Variants in CSRNP3 observed in about 807,000 individuals in gnomAD.
CSRNP3 encodes the protein cysteine/serine-rich nuclear protein 3.
In CSRNP3, 12 loss-of-function variants were observed where a neutral mutation model predicts 48.0. That is an observed-to-expected ratio of 0.25 (90% CI 0.16 to 0.41). The LOEUF is 0.41. Among genes scored for constraint, CSRNP3 ranks in the 10% least tolerant of loss-of-function variants. CSRNP3 has a pLI of 1.00. For missense variants in CSRNP3, 580 were observed against 724.4 expected (o/e 0.80, Z 2.29); for synonymous variants, 263 against 269.7 (o/e 0.98, Z 0.24).
At position 165,666,956 on chromosome 2, in the gene CSRNP3, A is replaced by AAGAAAGAAAGAGAG. The variant is rs1373443672; in HGVS notation, c.408+8938_408+8939insAAAGAAAGAGAGAG. Among the ~76,000 whole-genome samples, 2 of 32,092 alleles carry AAGAAAGAAAGAGAG rather than the reference A, an allele frequency of 6.2e-5. 1 individual carries two copies. Among genetic ancestry groups the AAGAAAGAAAGAGAG allele is most frequent in the Non-Finnish European group, 1.5e-4 (2 of 13,538 alleles). The allele number at this position is 32,092 out of a possible 152,430, so 21.1% of individuals were successfully genotyped here. On this transcript the variant is annotated intron_variant, in intron 5 of 6. Coordinates refer to ENST00000651982, the MANE Select transcript of CSRNP3 (RefSeq NM_001172173.2). ...AGAAGAAGAAAGAAAGAGAGAGAGGAAGGAAGGAAGGAAGGAAAGAGAGAG... is the reference window on the plus strand; with the variant it reads ...AGAAGAAGAAAGAAAGAGAGAGAGGAAGAAAGAAAGAGAGAGGAAGGAAGGAAGGAAAGAGAGAG...
chr2:165,523,436 T>C (rs936822289), intron 3 of CSRNP3, among the ~76,000 whole-genome samples: 2 of 152,156 alleles, frequency 1.3e-5, no homozygotes, highest in African/African-American at 4.8e-5. Context: ...CTCCAAGCAG[T>C]AGTCTACATT....
chr2:165,626,223 A>AG (rs1478089549), intron 4 of CSRNP3, among the ~76,000 whole-genome samples: 1 of 151,844 alleles, frequency 6.6e-6, no homozygotes, highest in African/African-American at 2.4e-5. Context: ...ACTCCTTCTC[A>AG]GAAAAAAAAA....
chr2:165,661,891 C>G (rs906520190), intron 5 of CSRNP3, among the ~76,000 whole-genome samples: 2 of 152,090 alleles, frequency 1.3e-5, no homozygotes, highest in African/African-American at 4.8e-5. Flanking sequence ...GAACTCAGAG[C>G]TAGATAGTTT....
intron 4 of CSRNP3, among the ~76,000 whole-genome samples, chr2:165,596,198 G>A (rs1685808961): frequency 6.6e-6 from 1 of 150,778 alleles, no homozygotes; most frequent in African/African-American, 2.4e-5. Context: ...AAGATAAAGG[G>A]AGGTTTGAAG....
At chr2:165,583,661 C>A (rs983941792) in intron 3 of CSRNP3, among the ~76,000 whole-genome samples, 2 of 152,162 alleles carry the variant, frequency 1.3e-5, no homozygotes, top group African/African-American at 4.8e-5. Flanking sequence ...TATTTAAGTC[C>A]TCTTCCTCTT....
chr2:165,542,891 G>A (rs1684977265), intron 3 of CSRNP3, among the ~76,000 whole-genome samples: 1 of 152,134 alleles, frequency 6.6e-6, no homozygotes, highest in African/African-American at 2.4e-5. Flanking sequence ...CTGATGTTAA[G>A]TCTGTATGAA....
At chr2:165,542,235 T>C (rs1439384438) in intron 3 of CSRNP3, among the ~76,000 whole-genome samples, 1 of 152,110 alleles carries the variant, frequency 6.6e-6, no homozygotes, top group Admixed American at 6.6e-5. Flanking sequence ...GTAAATGGCA[T>C]GGAGAAAGTC....
intron 3 of CSRNP3, among the ~76,000 whole-genome samples, chr2:165,564,833 G>T (rs2105269703): frequency 6.6e-6 from 1 of 152,064 alleles, no homozygotes; most frequent in Non-Finnish European, 1.5e-5. Context: ...TATTATAAAT[G>T]TGGTTTCTTA....
chr2:165,575,988 A>T (rs1410021970), intron 3 of CSRNP3, among the ~76,000 whole-genome samples: 3 of 151,736 alleles, frequency 2.0e-5, no homozygotes, highest in Non-Finnish European at 4.4e-5. Context: ...TTTTCTTTTT[A>T]TGTTGGTCAG....
chr2:165,602,436 T>C (rs1237375943), intron 4 of CSRNP3, among the ~76,000 whole-genome samples: 1 of 152,166 alleles, frequency 6.6e-6, no homozygotes, highest in Non-Finnish European at 1.5e-5. Context: ...CAGCTGCAGA[T>C]CATATGTAGA....
chr2:165,521,622 C>G (rs1159000450), intron 3 of CSRNP3, among the ~76,000 whole-genome samples: 1 of 152,152 alleles, frequency 6.6e-6, no homozygotes, highest in African/African-American at 2.4e-5. Context: ...TTCAAATTCT[C>G]CAAGTAATTT....
chr2:165,503,547 G>A (rs1055612694), intron 2 of CSRNP3, among the ~76,000 whole-genome samples: 4 of 151,724 alleles, frequency 2.6e-5, no homozygotes, highest in African/African-American at 9.7e-5. Flanking sequence ...TACTCTTAAA[G>A]TTTAACATTA....
intron 6 of CSRNP3, 30 bp from the exon 7 acceptor site, chr2:165,678,671 A>G (rs1687469478): frequency 1.3e-6 from 2 of 1,594,460 alleles, no homozygotes; most frequent in Non-Finnish European, 1.7e-6. Context: ...TAATAGTTCC[A>G]TGGTGCTAAT....
intron 4 of CSRNP3, among the ~76,000 whole-genome samples, chr2:165,654,510 G>A (rs544364771): frequency 1.3e-5 from 2 of 152,306 alleles, no homozygotes; most frequent in African/African-American, 4.8e-5. Context: ...CTGTGCTAAG[G>A]TCATAATTCT....
Position 165,481,216 on chromosome 2 carries a change from AG to A in CSRNP3, c.-283+11477del, listed in dbSNP as rs375159252. ...GGTTATATGCTCACGTTAATAGTGG[AG>A]AAACTGCAGGTATAAAATTGCACAT... is the stretch of plus-strand genomic sequence containing the variant. On this transcript the variant is annotated intron_variant, in intron 1 of 6. Coordinates refer to ENST00000651982, the MANE Select transcript of CSRNP3 (RefSeq NM_001172173.2). Among the ~76,000 whole-genome samples the A allele has an allele frequency of 5.0e-3, 754 of 152,310 alleles. 12 individuals are homozygous for A. The highest frequency in any genetic ancestry group is 0.017 in the African/African-American group (720 of 41,560).
At chr2:165,489,171 C>A (rs1018785790) in intron 1 of CSRNP3, among the ~76,000 whole-genome samples, 125 of 151,384 alleles carry the variant, frequency 8.3e-4, no homozygotes, top group Non-Finnish European at 1.6e-3. Context: ...ACAAACACCT[C>A]TACACAAATA....
At chr2:165,612,102 G>A (rs1686147452) in intron 4 of CSRNP3, among the ~76,000 whole-genome samples, 1 of 151,948 alleles carries the variant, frequency 6.6e-6, no homozygotes, top group Non-Finnish European at 1.5e-5. Flanking sequence ...CAAGATGCTT[G>A]CAAAAGTACT....
intron 3 of CSRNP3, among the ~76,000 whole-genome samples, chr2:165,586,024 A>C (rs993960106): frequency 6.6e-6 from 1 of 152,182 alleles, no homozygotes; most frequent in Non-Finnish European, 1.5e-5. Context: ...CCCAGGACTC[A>C]CAGCTCACCT....
At chr2:165,518,339 A>G (rs1043368421) in intron 3 of CSRNP3, among the ~76,000 whole-genome samples, 1 of 151,970 alleles carries the variant, frequency 6.6e-6, no homozygotes, top group Non-Finnish European at 1.5e-5. Context: ...ACACATATAC[A>G]TGTAGTTTAG....
Sources: allele counts gnomAD v4.1 joint callset (sites outside exome capture counted in the v4.1 genomes callset), GRCh38; gene constraint gnomAD v4.1.1; transcripts MANE v1.5; gene names NCBI Gene and HGNC (gene_info 2026-07-23, HGNC 2026-07-21).